The following GRIN3A variants were observed in gnomAD, a reference collection of about 807,000 sequenced individuals.
GRIN3A encodes the protein glutamate ionotropic receptor NMDA type subunit 3A.
In GRIN3A, 47 loss-of-function variants were observed where a neutral mutation model predicts 92.4. The observed-to-expected ratio is 0.51, with a 90% CI of 0.40 to 0.65. The LOEUF (loss-of-function observed/expected upper bound fraction) is 0.65. Among genes scored for constraint, GRIN3A ranks in the 30% least tolerant of loss-of-function variants. GRIN3A has a pLI of 0.00. For missense variants in GRIN3A, 1,324 were observed against 1,393.1 expected (o/e 0.95, Z 0.79); for synonymous variants, 527 against 540.6 (o/e 0.97, Z 0.35).
chr9:101,703,588 G>T (rs1829778971), intron 1 of GRIN3A, among the ~76,000 whole-genome samples: 1 of 152,156 alleles, frequency 6.6e-6, no homozygotes, highest in Admixed American at 6.5e-5. Context: ...TCCCTAGAGG[G>T]TCCAGACATT....
intron 3 of GRIN3A, among the ~76,000 whole-genome samples, chr9:101,662,608 G>A (rs1216141421): frequency 6.6e-6 from 1 of 151,458 alleles, no homozygotes; most frequent in African/African-American, 2.4e-5. Context: ...TATATTATAT[G>A]TAAATATACT....
chr9:101,578,120 A>G (rs768729440), intron 7 of GRIN3A, among the ~76,000 whole-genome samples: 5 of 152,248 alleles, frequency 3.3e-5, no homozygotes, highest in South Asian at 2.1e-4. Context: ...AGGAGGCACA[A>G]TCATAACTAA....
At chr9:101,692,654 T>C (rs996277095) in intron 1 of GRIN3A, among the ~76,000 whole-genome samples, 3 of 152,188 alleles carry the variant, frequency 2.0e-5, no homozygotes, top group Admixed American at 2.0e-4. Flanking sequence ...CTTCCTTTCA[T>C]CCGTCTGCTG....
At chr9:101,573,623 A>G in intron 8 of GRIN3A, 110 bp from the exon 9 acceptor site, 2 of 865,694 alleles carry the variant, frequency 2.3e-6, no homozygotes, top group Non-Finnish European at 3.8e-6. Flanking sequence ...GTGTGCATTT[A>G]GAGATGAAGT....
chr9:101,668,302 A>C (rs1829269641), intron 3 of GRIN3A, among the ~76,000 whole-genome samples: 1 of 152,048 alleles, frequency 6.6e-6, no homozygotes, highest in African/African-American at 2.4e-5. Flanking sequence ...AGCTCTAGTT[A>C]GTATTGTGTT....
At chr9:101,677,683 C>A (rs1432972956) in intron 2 of GRIN3A, among the ~76,000 whole-genome samples, 5 of 152,038 alleles carry the variant, frequency 3.3e-5, no homozygotes, top group African/African-American at 1.2e-4. Flanking sequence ...GCTTGTTTCA[C>A]CAAAGCCGAG....
chr9:101,694,005 T>G (rs1273852694), intron 1 of GRIN3A, among the ~76,000 whole-genome samples: 1 of 152,132 alleles, frequency 6.6e-6, no homozygotes, highest in African/African-American at 2.4e-5. Flanking sequence ...GGCTGATATA[T>G]TAAAGAATAT....
intron 5 of GRIN3A, among the ~76,000 whole-genome samples, chr9:101,617,205 T>TAAAAA (rs61141843): frequency 2.8e-5 from 3 of 107,184 alleles, no homozygotes; most frequent in Non-Finnish European, 3.8e-5. Flanking sequence ...AGACTCCGTC[T>TAAAAA]AAAAAAAAAA....
chr9:101,606,246 C>T (rs1417063930), intron 6 of GRIN3A, among the ~76,000 whole-genome samples: 2 of 152,294 alleles, frequency 1.3e-5, no homozygotes, highest in East Asian at 3.9e-4. Flanking sequence ...ATTCTTCTGC[C>T]CTTCCAGATC....
intron 6 of GRIN3A, chr9:101,592,454 T>C (rs981016855): frequency 7.9e-5 from 12 of 152,154 alleles, no homozygotes; most frequent in African/African-American, 2.4e-4. Flanking sequence ...CCTCTTTAAT[T>C]AGGTGGAAAG....
At chr9:101,676,375 C>T (rs1042704155) in intron 2 of GRIN3A, among the ~76,000 whole-genome samples, 6 of 151,790 alleles carry the variant, frequency 4.0e-5, no homozygotes, top group African/African-American at 1.2e-4. Context: ...TTTTGTACTA[C>T]AAGGCCTTAA....
chr9:101,589,012 C>T (rs1827986239), intron 6 of GRIN3A, among the ~76,000 whole-genome samples: 1 of 151,800 alleles, frequency 6.6e-6, no homozygotes, highest in Non-Finnish European at 1.5e-5. Flanking sequence ...ACTGTGACTC[C>T]CAGGGCAGAA....
chr9:101,604,301 A>G (rs987184279), intron 6 of GRIN3A, among the ~76,000 whole-genome samples: 1 of 152,204 alleles, frequency 6.6e-6, no homozygotes, highest in Non-Finnish European at 1.5e-5. Context: ...TGAATTTGGA[A>G]ATTGTTCTTG....
chr9:101,610,154 T>G (rs1241411174), intron 6 of GRIN3A, among the ~76,000 whole-genome samples: 1 of 152,246 alleles, frequency 6.6e-6, no homozygotes, highest in African/African-American at 2.4e-5. Flanking sequence ...TTGACTGGTA[T>G]AGGCCCAAGT....
At chr9:101,628,514 C>A in intron 3 of GRIN3A, 113 bp from the exon 4 acceptor site, 1 of 996,660 alleles carries the variant, frequency 1.0e-6, no homozygotes, top group Non-Finnish European at 1.5e-6. Context: ...TTTCTAACCC[C>A]CACAGGCAGA....
intron 3 of GRIN3A, among the ~76,000 whole-genome samples, chr9:101,649,110 G>A (rs1267517265): frequency 6.6e-6 from 1 of 152,018 alleles, no homozygotes; most frequent in African/African-American, 2.4e-5. Flanking sequence ...GAGCTCAAAA[G>A]CTGCCATAAA....
intron 6 of GRIN3A, among the ~76,000 whole-genome samples, chr9:101,606,953 G>A (rs1375079944): frequency 3.3e-5 from 2 of 60,038 alleles, no homozygotes; most frequent in South Asian, 4.8e-4. Context: ...GAAAACAAAG[G>A]AAATTTATAC....
intron 3 of GRIN3A, among the ~76,000 whole-genome samples, chr9:101,642,575 A>C (rs1828880701): frequency 6.6e-6 from 1 of 152,180 alleles, no homozygotes; most frequent in Non-Finnish European, 1.5e-5. Flanking sequence ...TGCAAGCCAT[A>C]TACCCAAGCC....
chr9:101,713,294 C>T (rs958533244), intron 1 of GRIN3A, among the ~76,000 whole-genome samples: 1 of 152,302 alleles, frequency 6.6e-6, no homozygotes, highest in African/African-American at 2.4e-5. Context: ...AAGAATTAGA[C>T]ATTCACCCCA....
Sources: allele counts gnomAD v4.1 joint callset (sites outside exome capture counted in the v4.1 genomes callset), GRCh38; gene constraint gnomAD v4.1.1; transcripts MANE v1.5; gene names NCBI Gene and HGNC (gene_info 2026-07-23, HGNC 2026-07-21).